PJA2: variants seen among roughly 807,000 people sequenced by gnomAD.
PJA2 encodes E3 ubiquitin-protein ligase Praja-2.
In PJA2, 25 loss-of-function variants were observed where a neutral mutation model predicts 69.3. The observed-to-expected ratio is 0.36, with a 90% CI of 0.26 to 0.50. PJA2 has a LOEUF of 0.50. Ranked by LOEUF, PJA2 falls within the 20% of genes least tolerant of loss-of-function variation. The pLI, the probability that PJA2 is intolerant of heterozygous loss-of-function variation, is 0.96. For synonymous variants in PJA2, 308 were observed against 277.8 expected (o/e 1.11, Z -1.08); for missense variants, 809 against 830.2 (o/e 0.97, Z 0.31).
chr5:109,386,518 G>A (rs992643323), intron 1 of PJA2, among the ~76,000 whole-genome samples: 10 of 152,170 alleles, frequency 6.6e-5, no homozygotes, highest in African/African-American at 1.9e-4. Context: ...CTTCGGAGCC[G>A]TCTAACATCC....
rs1462997235 is a variant in PJA2, at chr5:109,378,948, T to C, written c.539A>G (p.His180Arg). 2 of 1,614,218 alleles carry C rather than the reference T, an allele frequency of 1.2e-6. No homozygotes were observed. The highest frequency in any genetic ancestry group is 4.5e-5 in the East Asian group (2 of 44,886). The change falls in exon 4 of 10, where the codon CAT becomes CGT. Residue 180 changes from histidine (H) to arginine (R), a missense_variant. This residue lies in a region of PJA2 where 700 missense variants were observed against 639.5 expected (regional missense o/e 1.09). Coordinates refer to ENST00000361189, the MANE Select transcript of PJA2 (RefSeq NM_014819.5). Reference sequence around the variant, plus strand: ...CACGACTTCTGCAGAAAGTTGAAGATGGTCATTATCTTCTCCATGTTTGCC... The same window carrying C: ...CACGACTTCTGCAGAAAGTTGAAGACGGTCATTATCTTCTCCATGTTTGCC... ...PDGKHGEDND[H>R]LQLSAEVVEG...
chr5:109,402,259 T>C (rs956415499), intron 1 of PJA2, among the ~76,000 whole-genome samples: 2 of 152,038 alleles, frequency 1.3e-5, no homozygotes, highest in African/African-American at 2.4e-5. Context: ...TCTAAACACT[T>C]CAATGTAAAA....
intron 4 of PJA2, among the ~76,000 whole-genome samples, chr5:109,377,156 A>G (rs918871419): frequency 6.6e-6 from 1 of 152,154 alleles, no homozygotes; most frequent in African/African-American, 2.4e-5. Flanking sequence ...AAATTACACA[A>G]TCTGTATTAT....
intron 4 of PJA2, among the ~76,000 whole-genome samples, chr5:109,371,993 C>T (rs930819784): frequency 1.3e-5 from 2 of 152,246 alleles, no homozygotes; most frequent in East Asian, 1.9e-4. Flanking sequence ...TTTCACAATG[C>T]CTGATAAATA....
At chr5:109,389,329 A>G (rs1747232107) in intron 1 of PJA2, among the ~76,000 whole-genome samples, 1 of 152,098 alleles carries the variant, frequency 6.6e-6, no homozygotes. Context: ...CTTAATAGAC[A>G]CAGAACAACT....
At chr5:109,359,904 G>T (rs1762481070) in intron 6 of PJA2, among the ~76,000 whole-genome samples, 1 of 151,986 alleles carries the variant, frequency 6.6e-6, no homozygotes, top group African/African-American at 2.4e-5. Context: ...ATTCATTCTA[G>T]AATAATTACA....
chr5:109,403,423 C>T (rs1196878282), intron 1 of PJA2, among the ~76,000 whole-genome samples: 1 of 151,998 alleles, frequency 6.6e-6, no homozygotes, highest in Non-Finnish European at 1.5e-5. Flanking sequence ...GAAGAGTTCA[C>T]ATGCAAACTC....
intron 1 of PJA2, among the ~76,000 whole-genome samples, chr5:109,386,115 T>C (rs1412903519): frequency 6.6e-6 from 1 of 150,710 alleles, no homozygotes; most frequent in East Asian, 1.9e-4. Flanking sequence ...AGTGAGACTC[T>C]GTCTCAAAAA....
chr5:109,374,869 A>G (rs965522422), intron 4 of PJA2, among the ~76,000 whole-genome samples: 3 of 152,184 alleles, frequency 2.0e-5, no homozygotes, highest in Non-Finnish European at 4.4e-5. Context: ...TTTTAAACTC[A>G]AGATCTTGTC....
chr5:109,352,913 C>T (rs574433510), intron 7 of PJA2, among the ~76,000 whole-genome samples: 14 of 146,926 alleles, frequency 9.5e-5, no homozygotes, highest in Admixed American at 4.8e-4. Flanking sequence ...ATATTAGATA[C>T]CTATAATATC....
intron 9 of PJA2, 76 bp downstream of exon 9, chr5:109,344,114 A>G: frequency 1.1e-6 from 1 of 945,780 alleles, no homozygotes; most frequent in Non-Finnish European, 1.4e-6. Flanking sequence ...AAAAAAAAAA[A>G]AAAAAAGATA....
chr5:109,340,981 G>A (rs1762042978), intron 9 of PJA2, among the ~76,000 whole-genome samples: 3 of 138,394 alleles, frequency 2.2e-5, no homozygotes, highest in African/African-American at 7.7e-5. Flanking sequence ...GCGTGATCTC[G>A]GCTCACTACA....
intron 7 of PJA2, among the ~76,000 whole-genome samples, chr5:109,352,875 T>C (rs1283405985): frequency 6.7e-6 from 1 of 150,032 alleles, no homozygotes; most frequent in Non-Finnish European, 1.5e-5. Flanking sequence ...CATCTATATA[T>C]TAGATATCTA....
intron 1 of PJA2, among the ~76,000 whole-genome samples, chr5:109,394,497 C>G (rs1257020232): frequency 6.6e-6 from 1 of 152,140 alleles, no homozygotes; most frequent in African/African-American, 2.4e-5. Context: ...AGTTGTATTT[C>G]ATTTTGGGTC....
At chr5:109,340,795 C>T (rs867089982) in intron 9 of PJA2, among the ~76,000 whole-genome samples, 8,297 of 103,594 alleles carry the variant, frequency 0.08, 842 homozygotes, top group Middle Eastern at 0.16. Flanking sequence ...CGATTGCAGG[C>T]TCGCGCCGCC....
At chr5:109,370,903 G>A (rs1051620241) in intron 4 of PJA2, among the ~76,000 whole-genome samples, 2 of 152,030 alleles carry the variant, frequency 1.3e-5, no homozygotes, top group African/African-American at 4.8e-5. Flanking sequence ...ACATTAAAAA[G>A]TCCTCACTTT....
chr5:109,356,063 C>T (rs756876818), intron 6 of PJA2, 37 bp from the exon 7 acceptor site: 1 of 1,410,426 alleles, frequency 7.1e-7, no homozygotes, highest in Admixed American at 1.8e-5. Context: ...AAACTCACCA[C>T]TATGATTTGG....
chr5:109,335,290 G>A lies in PJA2; in HGVS notation c.*1941C>T, dbSNP rs935886996. The stretch of plus-strand genomic sequence containing the variant: ...AGATAGTAGGGAGCCAAGAATGAAG[G>A]ACAGTAACAGATGGAAAGCAAAAAG... On this transcript the variant is annotated 3_prime_UTR_variant, in exon 10 of 10. Transcript: ENST00000361189. 3.3e-5 allele frequency: 5 copies of A among 152,536 alleles called. No individual in the cohort carries two copies. Among genetic ancestry groups the A allele is most frequent in the African/African-American group, 1.2e-4 (5 of 41,420 alleles). 9.4% of individuals were successfully genotyped at this position (152,536 alleles called of 1,614,324 possible). A position where few individuals can be genotyped will look rare whatever the true frequency, so the allele number is the denominator to read the frequency against.
chr5:109,360,778 G>A (rs141091606), intron 6 of PJA2, among the ~76,000 whole-genome samples: 1,559 of 152,208 alleles, frequency 0.01, 19 homozygotes, highest in Middle Eastern at 0.065. Context: ...GCCATATCTA[G>A]AAAGATCATC....
Sources: gnomAD v4.1 joint callset for allele counts (sites outside exome capture counted in the v4.1 genomes callset) on GRCh38, gnomAD v4.1.1 for gene constraint, gnomAD v4.1.1 regional missense constraint, MANE v1.5 for transcripts, NCBI Gene and HGNC (gene_info 2026-07-23, HGNC 2026-07-21) for gene names.